Variants in FSIP2 observed in about 807,000 individuals in gnomAD.
FSIP2 encodes fibrous sheath-interacting protein 2.
In FSIP2, 367 loss-of-function variants were observed where a neutral mutation model predicts 510.5. The ratio of observed to expected loss-of-function variants is 0.72; its 90% CI spans 0.66 to 0.78. FSIP2 has a LOEUF of 0.78. Among genes scored for constraint, FSIP2 ranks in the 30% least tolerant of loss-of-function variants. The pLI is 0.00. For missense variants in FSIP2, 7,594 were observed against 7,901.7 expected, an observed-to-expected ratio of 0.96 and a Z score of 1.48; for synonymous variants, 2,601 against 2,732.2, an observed-to-expected ratio of 0.95 and a Z score of 1.50.
Position 185,793,024 on chromosome 2 carries a change from A to T in FSIP2, c.5888A>T (p.Lys1963Ile), listed in dbSNP as rs1006343350. The change falls in exon 16 of 23, where the codon AAA becomes ATA. Residue 1963 changes from lysine (K) to isoleucine (I), a missense_variant. By Grantham distance (102) the Lys-to-Ile change is moderately radical. Coordinates refer to ENST00000424728, the MANE Select transcript of FSIP2 (RefSeq NM_173651.4). The part of the protein sequence containing the change: ...PIQQDHSTLS[K>I]ALSAKDSYSD... Reference sequence around the variant, plus strand: ...CAGCAAGATCACAGTACATTGAGCAAAGCATTATCAGCCAAAGATTCATAT... The same window carrying T: ...CAGCAAGATCACAGTACATTGAGCATAGCATTATCAGCCAAAGATTCATAT... 28 of 1,534,278 alleles carry T rather than the reference A, an allele frequency of 1.8e-5. No individual in the cohort carries two copies. The African/African-American group carries it at 3.8e-4, about 21-fold the overall frequency.
At position 185,809,059 on chromosome 2, in the gene FSIP2, G is replaced by T. The variant is rs1236267732; in HGVS notation, c.19753G>T (p.Asp6585Tyr). The T allele has an allele frequency of 6.2e-7, 1 of 1,606,844 alleles. No homozygotes were observed. The highest frequency in any genetic ancestry group is 8.5e-7 in the Non-Finnish European group (1 of 1,177,810). Reference sequence around the variant, plus strand: ...GAGAAATTACTCCTTAGGATCACCTGATTTAGAAAAGAGAAAGACAGAAAG... The same window carrying T: ...GAGAAATTACTCCTTAGGATCACCTTATTTAGAAAAGAGAAAGACAGAAAG... Reference protein sequence around the residue: ...SGRNYSLGSPDLEKRKTERRT... With the variant: ...SGRNYSLGSPYLEKRKTERRT... The change falls in exon 17 of 23, where the codon GAT becomes TAT. Residue 6585 changes from aspartate (D) to tyrosine (Y), a missense_variant. Asp to Tyr is a radical substitution (Grantham distance 160). Transcript: ENST00000424728.
chr2:185,750,533 T>C (rs993148085), intron 7 of FSIP2, among the ~76,000 whole-genome samples: 4 of 150,984 alleles, frequency 2.6e-5, no homozygotes, highest in Admixed American at 6.6e-5. Flanking sequence ...AGTTGCTTTT[T>C]CTTTTTCTTC....
At chr2:185,781,680 C>T (rs937212037) in intron 13 of FSIP2, among the ~76,000 whole-genome samples, 1 of 152,182 alleles carries the variant, frequency 6.6e-6, no homozygotes, top group African/African-American at 2.4e-5. Context: ...TCTCCTATCT[C>T]TTTGAAAGTT....
chr2:185,743,292 A>G lies in FSIP2; in HGVS notation c.385A>G (p.Lys129Glu), dbSNP rs2105528321. ...KKGGYITSNN[K>E]VVCTLRELNK... ...AGGTGGCTACATCACCAGCAATAAT[A>G]AAGTGGGTTGAAAATTACTTCTTTT... is the stretch of plus-strand genomic sequence containing the variant. Residue 129 changes from lysine (K) to glutamate (E), a missense_variant and splice_region_variant, in exon 3 of 23, where the codon AAA (lysine) becomes GAA (glutamate). Transcript: ENST00000424728. The G allele has an allele frequency of 6.7e-7, 1 of 1,487,956 alleles. No homozygotes were observed. The highest frequency in any genetic ancestry group is 8.9e-7 in the Non-Finnish European group (1 of 1,129,174). 92.2% of individuals were successfully genotyped at this position (1,487,956 alleles called of 1,614,324 possible). A position where few individuals can be genotyped will look rare whatever the true frequency, so the allele number is the denominator to read the frequency against.
Position 185,761,028 on chromosome 2 carries a change from A to T in FSIP2, c.1119A>T (p.Ser373=), listed in dbSNP as rs1420305304. Residue 373 remains serine, a synonymous_variant, in exon 10 of 23, where the codon TCA becomes TCT. Coordinates refer to ENST00000424728, the MANE Select transcript of FSIP2 (RefSeq NM_173651.4). ...CTGCTCATCAGCGTCAAAATAGTTCAAATAATTTTACGAAAAAAAACTCAG... is the reference window on the plus strand; with the variant it reads ...CTGCTCATCAGCGTCAAAATAGTTCTAATAATTTTACGAAAAAAAACTCAG... The part of the protein sequence containing the change: ...ANAAHQRQNS[S]NNFTKKNSAS... 1 of 1,508,468 alleles carries T rather than the reference A, an allele frequency of 6.6e-7. No homozygotes were observed. The highest frequency in any genetic ancestry group is 8.9e-7 in the Non-Finnish European group (1 of 1,126,734). The allele number at this position is 1,508,468 out of a possible 1,614,324, so 93.4% of individuals were successfully genotyped here.
In FSIP2 at chr2:185,792,411, G is replaced by GA. The variant is rs1488526116; in HGVS notation, c.5281dup (p.Thr1761AsnfsTer6). 2.0e-6 allele frequency: 3 copies of GA among 1,533,590 alleles called. No individual in the cohort carries two copies. The highest frequency in any genetic ancestry group is 3.9e-5 in the Admixed American group (2 of 50,802). 95.0% of individuals were successfully genotyped at this position (1,533,590 alleles called of 1,614,324 possible). On this transcript the variant is annotated frameshift_variant, in exon 16 of 23. Coordinates refer to ENST00000424728, the MANE Select transcript of FSIP2 (RefSeq NM_173651.4). LOFTEE classifies it high-confidence loss of function. ...ACGTTCTCTTAAACAATGGGCTCTC[G>GA]AAAAAACCTTAAACAAAATTGAAGT...
chr2:185,739,337 G>T lies in FSIP2; in HGVS notation c.100-9G>T. 2.6e-6 allele frequency: 4 copies of T among 1,520,742 alleles called. No homozygotes were observed. Among genetic ancestry groups the T allele is most frequent in the Non-Finnish European group, 3.5e-6 (4 of 1,141,520 alleles). 94.2% of individuals were successfully genotyped at this position (1,520,742 alleles called of 1,614,324 possible). ...AGGAAAGACAAAACTCTCCAATTGT[G>T]TCTGACAGGGCGTGCACAAAACCCA... is the stretch of plus-strand genomic sequence containing the variant. On this transcript the variant is annotated splice_polypyrimidine_tract_variant and intron_variant, in intron 1 of 22. Coordinates refer to ENST00000424728, the MANE Select transcript of FSIP2 (RefSeq NM_173651.4).
rs1393956213 is a variant in FSIP2 at position 185,800,395 on chromosome 2, A to G, written c.11089A>G (p.Asn3697Asp). ...LKTSESKEVV[N>D]KVFNIVSDLF... ...AACAAGTGAATCCAAAGAAGTAGTC[A>G]ATAAAGTTTTTAATATTGTTTCAGA... Residue 3697 changes from asparagine (N) to aspartate (D), a missense_variant, in exon 17 of 23, where the codon AAT becomes GAT. By Grantham distance (23) the Asn-to-Asp change is conservative (BLOSUM62 1). Coordinates refer to ENST00000424728, the MANE Select transcript of FSIP2 (RefSeq NM_173651.4). 16 of 1,527,110 alleles carry G rather than the reference A, an allele frequency of 1.0e-5. No individual in the cohort carries two copies. The highest frequency in any genetic ancestry group is 1.4e-5 in the Non-Finnish European group (16 of 1,143,650). The allele number at this position is 1,527,110 out of a possible 1,614,324, so 94.6% of individuals were successfully genotyped here.
Position 185,790,154 on chromosome 2 carries a change from G to C in FSIP2, c.3018G>C (p.Glu1006Asp), listed in dbSNP as rs749477786. ...GMVLYSDDEN[E>D]EIDNIVKNVL... Reference sequence around the variant, plus strand: ...TTCTTTATTCTGATGATGAAAATGAGGAAATAGACAATATTGTAAAAAATG... The same window carrying C: ...TTCTTTATTCTGATGATGAAAATGACGAAATAGACAATATTGTAAAAAATG... The change falls in exon 16 of 23, where the codon GAG (glutamate) becomes GAC (aspartate). Residue 1006 changes from glutamate to aspartate, a missense_variant. By Grantham distance (45) the Glu-to-Asp change is conservative. Coordinates refer to ENST00000424728, the MANE Select transcript of FSIP2 (RefSeq NM_173651.4). 255 of 1,532,476 alleles carry C rather than the reference G, an allele frequency of 1.7e-4. No homozygotes were observed. The highest frequency in any genetic ancestry group is 2.6e-4 in the Admixed American group (13 of 50,670). 94.9% of individuals were successfully genotyped at this position (1,532,476 alleles called of 1,614,324 possible).
At chr2:185,752,729 G>C (rs200775189) in intron 7 of FSIP2, among the ~76,000 whole-genome samples, 2 of 151,032 alleles carry the variant, frequency 1.3e-5, no homozygotes, top group East Asian at 3.9e-4. Context: ...GCAATCTTAT[G>C]TTGCTGTATT....
chr2:185,815,648 T>C (rs1693812150), intron 19 of FSIP2, among the ~76,000 whole-genome samples, 177 bp downstream of exon 19: 1 of 152,042 alleles, frequency 6.6e-6, no homozygotes, highest in African/African-American at 2.4e-5. Flanking sequence ...TTGCTATCTG[T>C]TCCTTTATTT....
chr2:185,753,708 CT>C lies in FSIP2; in HGVS notation c.871-11del. ...AAGTTAATATTAACCAATATATTTTCTTTAATATTGTAGAAACAAGATCTTC... is the reference window on the plus strand; with the variant it reads ...AAGTTAATATTAACCAATATATTTTCTTAATATTGTAGAAACAAGATCTTC... On this transcript the variant is annotated splice_polypyrimidine_tract_variant and intron_variant, in intron 7 of 22. Coordinates refer to ENST00000424728, the MANE Select transcript of FSIP2 (RefSeq NM_173651.4). 1 of 1,037,800 alleles carries C rather than the reference CT, an allele frequency of 9.6e-7. No individual in the cohort carries two copies. Among genetic ancestry groups the C allele is most frequent in the South Asian group, 1.6e-5 (1 of 61,716 alleles). 64.3% of individuals were successfully genotyped at this position (1,037,800 alleles called of 1,614,324 possible). A position where few individuals can be genotyped will look rare whatever the true frequency, so the allele number is the denominator to read the frequency against.
At chr2:185,811,590 G>C (rs766892704) in intron 17 of FSIP2, among the ~76,000 whole-genome samples, 2 of 151,948 alleles carry the variant, frequency 1.3e-5, no homozygotes, top group Non-Finnish European at 2.9e-5. Context: ...AGTTCTTAGA[G>C]AAAGTTCCAA....
At chr2:185,786,889 C>T (rs1365537194) in intron 15 of FSIP2, among the ~76,000 whole-genome samples, 1 of 151,764 alleles carries the variant, frequency 6.6e-6, no homozygotes, top group Non-Finnish European at 1.5e-5. Context: ...AATACAAAAG[C>T]TTTGACCCAA....
chr2:185,779,026 G>A (rs982126012), intron 13 of FSIP2, among the ~76,000 whole-genome samples: 1 of 151,820 alleles, frequency 6.6e-6, no homozygotes, highest in African/African-American at 2.4e-5. Context: ...TGCCTTAAAT[G>A]TGTCTAATAT....
chr2:185,804,435 T>C lies in FSIP2; in HGVS notation c.15129T>C (p.His5043=), dbSNP rs778815104. The C allele has an allele frequency of 4.6e-6, 7 of 1,512,412 alleles. No individual in the cohort carries two copies. In the South Asian group the frequency reaches 8.6e-5, roughly 19 times the overall value. The allele number at this position is 1,512,412 out of a possible 1,614,324, so 93.7% of individuals were successfully genotyped here. ...AATATAAATCTCTGATTCAAATACA[T>C]AGGGTTATACAAAGTGACACAATAT... ...LDQYKSLIQI[H]RVIQSDTICF... is the part of the protein sequence containing the mutation. Residue 5043 remains histidine, a synonymous_variant, in exon 17 of 23, where the codon CAT becomes CAC. Coordinates refer to ENST00000424728, the MANE Select transcript of FSIP2 (RefSeq NM_173651.4).
At chr2:185,815,699 T>C (rs1693813024) in intron 19 of FSIP2, among the ~76,000 whole-genome samples, 1 of 152,036 alleles carries the variant, frequency 6.6e-6, no homozygotes, top group Non-Finnish European at 1.5e-5. Flanking sequence ...CAAACCAGTT[T>C]CTAGTGTATC....
At chr2:185,798,355 C>T (rs1246217259) in intron 16 of FSIP2, among the ~76,000 whole-genome samples, 1 of 151,752 alleles carries the variant, frequency 6.6e-6, no homozygotes, top group Non-Finnish European at 1.5e-5. Context: ...ATATAATACT[C>T]CAACTGTATC....
rs777841945 is a variant in FSIP2 at position 185,789,929 on chromosome 2, C to T, written c.2793C>T (p.Thr931=). Residue 931 remains threonine, a synonymous_variant, in exon 16 of 23, where the codon ACC becomes ACT. Coordinates refer to ENST00000424728, the MANE Select transcript of FSIP2 (RefSeq NM_173651.4). ...NNERIIASEE[T]VVLLQLLEDI... Reference sequence around the variant, plus strand: ...AGAGAATTATTGCATCTGAAGAAACCGTAGTACTCCTTCAGCTACTTGAGG... The same window carrying T: ...AGAGAATTATTGCATCTGAAGAAACTGTAGTACTCCTTCAGCTACTTGAGG... 2.1e-4 allele frequency: 327 copies of T among 1,533,244 alleles called. No homozygotes were observed. Among genetic ancestry groups the T allele is most frequent in the Non-Finnish European group, 2.7e-4 (307 of 1,144,946 alleles). The allele number at this position is 1,533,244 out of a possible 1,614,324, so 95.0% of individuals were successfully genotyped here. A position where few individuals can be genotyped will look rare whatever the true frequency, so the allele number is the denominator to read the frequency against.
Sources: allele counts gnomAD v4.1 joint callset (sites outside exome capture counted in the v4.1 genomes callset), GRCh38; gene constraint gnomAD v4.1.1; transcripts MANE v1.5; gene names NCBI Gene and HGNC (gene_info 2026-07-23, HGNC 2026-07-21).